The following ADAMTSL1 variants were observed in gnomAD, a reference collection of about 807,000 sequenced individuals.
ADAMTSL1 encodes the protein ADAMTS like 1, also known as ADAMTS-like protein 1.
ADAMTSL1 carries 126 observed loss-of-function variants against 201.8 expected under a neutral mutation model. That is an observed-to-expected ratio of 0.62 (90% CI 0.54 to 0.72). The LOEUF is 0.72. ADAMTSL1 is among the 30% of genes least tolerant of loss of function. The pLI is 0.00. For missense variants in ADAMTSL1, 2,679 were observed against 2,277.8 expected (o/e 1.18, Z -3.59); for synonymous variants, 1,121 against 903.4 (o/e 1.24, Z -4.32).
chr9:18,661,418 C>T (rs563976010), intron 8 of ADAMTSL1, among the ~76,000 whole-genome samples: 2 of 152,108 alleles, frequency 1.3e-5, no homozygotes, highest in Non-Finnish European at 2.9e-5. Context: ...TGAATTTGGG[C>T]AAAAATAATG....
chr9:18,754,078 C>A (rs1819611674), intron 16 of ADAMTSL1, among the ~76,000 whole-genome samples: 1 of 152,154 alleles, frequency 6.6e-6, no homozygotes, highest in African/African-American at 2.4e-5. Flanking sequence ...TAGCCTGTAG[C>A]CTTTCTTGCG....
At chr9:18,616,948 C>G (rs1825734253) in intron 4 of ADAMTSL1, among the ~76,000 whole-genome samples, 1 of 152,162 alleles carries the variant, frequency 6.6e-6, no homozygotes, top group Non-Finnish European at 1.5e-5. Context: ...AAAGGATAAT[C>G]CATGTAAACC....
intron 23 of ADAMTSL1, among the ~76,000 whole-genome samples, chr9:18,868,028 ACT>A (rs2131448027): frequency 6.6e-6 from 1 of 151,306 alleles, no homozygotes; most frequent in African/African-American, 2.4e-5. Context: ...TAGTCTTTTT[ACT>A]CTCTCTGCTT....
chr9:18,795,754 G>T (rs1278310681), intron 20 of ADAMTSL1, among the ~76,000 whole-genome samples: 2 of 152,194 alleles, frequency 1.3e-5, no homozygotes, highest in East Asian at 3.8e-4. Context: ...AGGTCTTAGG[G>T]TTGCAATGAG....
At position 18,892,683 on chromosome 9, in the gene ADAMTSL1, A is replaced by T. The variant is rs750550715; in HGVS notation, c.4851+87A>T. On this transcript the variant is annotated intron_variant, in intron 26 of 28. Coordinates refer to ENST00000380548, the MANE Select transcript of ADAMTSL1 (RefSeq NM_001040272.6). ...TAGGAAGTGAAATGCTATCACTGCCACTGCCACCTCCTCCTTTCACATTCT... is the reference window on the plus strand; with the variant it reads ...TAGGAAGTGAAATGCTATCACTGCCTCTGCCACCTCCTCCTTTCACATTCT... 246 of 1,401,772 alleles carry T rather than the reference A, an allele frequency of 1.8e-4. 1 individual carries two copies. Among genetic ancestry groups the T allele is most frequent in the Non-Finnish European group, 2.3e-4 (241 of 1,036,470 alleles). The allele number at this position is 1,401,772 out of a possible 1,614,324, so 86.8% of individuals were successfully genotyped here.
chr9:18,615,179 T>A (rs189654252), intron 4 of ADAMTSL1, among the ~76,000 whole-genome samples: 46 of 152,340 alleles, frequency 3.0e-4, no homozygotes, highest in Admixed American at 3.0e-3. Flanking sequence ...CTGGAGATTC[T>A]ATTTTCTCAT....
intron 20 of ADAMTSL1, among the ~76,000 whole-genome samples, chr9:18,800,496 T>C (rs943955095): frequency 1.9e-4 from 28 of 151,014 alleles, no homozygotes; most frequent in African/African-American, 6.1e-4. Flanking sequence ...CAATATCTGA[T>C]AGAATACTGA....
Position 18,717,785 on chromosome 9 carries a change from T to G in ADAMTSL1, c.1877-3751T>G, listed in dbSNP as rs574177606. Reference sequence around the variant, plus strand: ...GGACTATTATATAAGTAAAAATCTCTCTTGTGAAGCTTGAAAGTGATTAGA... The same window carrying G: ...GGACTATTATATAAGTAAAAATCTCGCTTGTGAAGCTTGAAAGTGATTAGA... On this transcript the variant is annotated intron_variant, in intron 14 of 28. Transcript: ENST00000380548. Among the ~76,000 whole-genome samples, 4 of 152,308 alleles carry G rather than the reference T, an allele frequency of 2.6e-5. No individual in the cohort carries two copies. The East Asian group carries it at 7.7e-4, about 29-fold the overall frequency.
chr9:18,539,439 G>A (rs972732379), intron 3 of ADAMTSL1, among the ~76,000 whole-genome samples: 3 of 152,228 alleles, frequency 2.0e-5, no homozygotes, highest in Non-Finnish European at 4.4e-5. Flanking sequence ...CTCAGGGTCT[G>A]GCATTCAGTG....
intron 1 of ADAMTSL1, among the ~76,000 whole-genome samples, chr9:18,038,021 A>G (rs142043287): frequency 2.6e-5 from 4 of 152,180 alleles, no homozygotes; most frequent in Non-Finnish European, 5.9e-5. Flanking sequence ...GATCGTGATG[A>G]TACGAGAAAT....
intron 3 of ADAMTSL1, among the ~76,000 whole-genome samples, chr9:18,558,284 T>A (rs893037328): frequency 1.3e-5 from 2 of 152,200 alleles, no homozygotes; most frequent in Non-Finnish European, 2.9e-5. Flanking sequence ...CTTGTGTTAG[T>A]TTGCTGAGAA....
At chr9:17,937,307 G>T (rs1827049848) in intron 1 of ADAMTSL1, among the ~76,000 whole-genome samples, 1 of 151,966 alleles carries the variant, frequency 6.6e-6, no homozygotes, top group South Asian at 2.1e-4. Flanking sequence ...CTGCATTTTT[G>T]GAAGGAGGGT....
chr9:18,162,795 G>C (rs184818644), intron 1 of ADAMTSL1, among the ~76,000 whole-genome samples: 1 of 151,860 alleles, frequency 6.6e-6, no homozygotes, highest in East Asian at 1.9e-4. Flanking sequence ...GTGATATACC[G>C]TGTTCATTAT....
At chr9:17,923,005 G>A (rs906215575) in intron 1 of ADAMTSL1, among the ~76,000 whole-genome samples, 4 of 152,070 alleles carry the variant, frequency 2.6e-5, no homozygotes, top group Non-Finnish European at 5.9e-5. Flanking sequence ...TCATGCCCCT[G>A]GAAGATTAAC....
chr9:18,661,106 C>G (rs1323808847), intron 8 of ADAMTSL1, among the ~76,000 whole-genome samples: 4 of 151,940 alleles, frequency 2.6e-5, no homozygotes, highest in African/African-American at 4.8e-5. Flanking sequence ...GTCTTGATCA[C>G]CACCCTACCA....
At chr9:18,159,645 G>A (rs1827302823) in intron 1 of ADAMTSL1, among the ~76,000 whole-genome samples, 1 of 151,998 alleles carries the variant, frequency 6.6e-6, no homozygotes, top group South Asian at 2.1e-4. Context: ...ACAGCTCATA[G>A]AGTAAACTTG....
chr9:18,378,353 G>C (rs192707717), intron 2 of ADAMTSL1, among the ~76,000 whole-genome samples: 31 of 152,334 alleles, frequency 2.0e-4, no homozygotes, highest in African/African-American at 7.5e-4. Flanking sequence ...ATGAGAGTAA[G>C]CAAGTAGAGA....
chr9:18,071,985 C>G (rs1822991222), intron 1 of ADAMTSL1, among the ~76,000 whole-genome samples: 1 of 152,116 alleles, frequency 6.6e-6, no homozygotes, highest in African/African-American at 2.4e-5. Flanking sequence ...CTTAATGGTT[C>G]CAAGCTCTTG....
In ADAMTSL1 at chr9:18,815,566, G is replaced by T. The variant is rs113939457; in HGVS notation, c.3806-1543G>T. ...ATACAAAAAAAAAAAATTCTATCCA[G>T]GTGTGATGGTATACACCTGTAGTTT... On this transcript the variant is annotated intron_variant, in intron 20 of 28. Transcript: ENST00000380548. 6.6e-3 allele frequency among the ~76,000 whole-genome samples: 997 copies of T among 151,268 alleles called. 10 individuals carry two copies. The highest frequency in any genetic ancestry group is 0.023 in the African/African-American group (935 of 41,240).
Sources: allele counts gnomAD v4.1 joint callset (sites outside exome capture counted in the v4.1 genomes callset), GRCh38; gene constraint gnomAD v4.1.1; transcripts MANE v1.5; gene names NCBI Gene and HGNC (gene_info 2026-07-23, HGNC 2026-07-21).